Variants in DNAAF3 observed in about 807,000 individuals in gnomAD.
DNAAF3 encodes UPF0470 protein C19orf51.
In DNAAF3, 40 loss-of-function variants were observed where a neutral mutation model predicts 50.9. That is an observed-to-expected ratio of 0.79 (90% CI 0.61 to 1.02). DNAAF3 has a LOEUF of 1.02. Among genes scored for constraint, DNAAF3 ranks in the 50% least tolerant of loss-of-function variants. The pLI, the probability that DNAAF3 is intolerant of heterozygous loss-of-function variation, is 0.00. For missense variants in DNAAF3, 763 were observed against 744.7 expected (o/e 1.02, Z -0.29); for synonymous variants, 327 against 322.8 (o/e 1.01, Z -0.14).
rs780729564 is a variant in DNAAF3 at position 55,166,529 on chromosome 19, C to A, written c.-11G>T. The A allele has an allele frequency of 6.2e-7, 1 of 1,614,192 alleles. No individual in the cohort carries two copies. The highest frequency in any genetic ancestry group is 1.3e-5 in the African/African-American group (1 of 75,056). On this transcript the variant is annotated 5_prime_UTR_variant, in exon 1 of 12. Coordinates refer to ENST00000524407, the MANE Select transcript of DNAAF3 (RefSeq NM_001256715.2). The surrounding 1 kb of genome is among the most constrained non-coding windows in gnomAD (Gnocchi z 4.0). ...CATGATACCTTGCCCACACCTTTATCCTCCAAATATCCCGGGACGCCCCTT... is the reference window on the plus strand; with the variant it reads ...CATGATACCTTGCCCACACCTTTATACTCCAAATATCCCGGGACGCCCCTT...
Position 55,159,468 on chromosome 19 carries a change from C to A in DNAAF3, c.1239-19G>T. ...CAGGTACCTGCAGATGGGAAGCGCC[C>A]TGTCAGGGACCCAGATTTTGATCCC... is the stretch of plus-strand genomic sequence containing the variant. On this transcript the variant is annotated intron_variant, in intron 11 of 11. Transcript: ENST00000524407. 1 of 1,609,370 alleles carries A rather than the reference C, an allele frequency of 6.2e-7. No homozygotes were observed. The highest frequency in any genetic ancestry group is 1.1e-5 in the South Asian group (1 of 90,778).
chr19:55,162,375 C>A, intron 4 of DNAAF3, 85 bp from the exon 5 acceptor site: 2 of 1,226,652 alleles, frequency 1.6e-6, no homozygotes, highest in South Asian at 4.2e-5. Context: ...ATGTCATAGT[C>A]ATCTAATGAA....
At chr19:55,165,146 C>T (rs1452565635) in intron 4 of DNAAF3, among the ~76,000 whole-genome samples, 3 of 150,944 alleles carry the variant, frequency 2.0e-5, no homozygotes, top group African/African-American at 7.3e-5. Context: ...TCTCCTGCCT[C>T]GGCCTCCCAA....
rs886054639 is a variant in DNAAF3 at position 55,159,382 on chromosome 19, C to T, written c.1306G>A (p.Ala436Thr). The change falls in exon 12 of 12, where the codon GCA becomes ACA. Residue 436 changes from alanine to threonine, a missense_variant. By Grantham distance (58) the Ala-to-Thr change is moderately conservative. Transcript: ENST00000524407. Reference sequence around the variant, plus strand: ...CCGGTCTGTGGAGCAAATCCAGCTGCCTGAGCTAGCTCCCTGACCCGGGTG... The same window carrying T: ...CCGGTCTGTGGAGCAAATCCAGCTGTCTGAGCTAGCTCCCTGACCCGGGTG... ...FNTRVRELAQ[A>T]AGFAPQTGAR... The T allele has an allele frequency of 9.9e-6, 16 of 1,614,036 alleles. No homozygotes were observed. Among genetic ancestry groups the T allele is most frequent in the Non-Finnish European group, 1.4e-5 (16 of 1,180,048 alleles).
chr19:55,165,765 C>G, intron 3 of DNAAF3, 93 bp downstream of exon 3: 1 of 1,536,818 alleles, frequency 6.5e-7, no homozygotes, highest in East Asian at 2.4e-5. Context: ...GAGTCTCCAG[C>G]CCCTTCATTC....
intron 11 of DNAAF3, 24 bp from the exon 12 acceptor site, chr19:55,159,473 A>G (rs1446219713): frequency 1.9e-6 from 3 of 1,608,360 alleles, no homozygotes; most frequent in African/African-American, 1.3e-5. Context: ...GCGCCCTGTC[A>G]GGGACCCAGA....
Position 55,160,689 on chromosome 19 carries a change from G to C in DNAAF3, c.999C>G (p.Asp333Glu), listed in dbSNP as rs552015501. 58 of 1,613,662 alleles carry C rather than the reference G, an allele frequency of 3.6e-5. No homozygotes were observed. In the South Asian group the frequency reaches 6.0e-4, roughly 17 times the overall value. Residue 333 changes from aspartate (D) to glutamate (E), a missense_variant, in exon 9 of 12, where the codon GAC (aspartate) becomes GAG (glutamate). Physicochemically the swap from Asp to Glu is conservative, Grantham distance 45. Coordinates refer to ENST00000524407, the MANE Select transcript of DNAAF3 (RefSeq NM_001256715.2). This position sits in a 1 kb window ranked among gnomAD's most constrained non-coding sequence, Gnocchi z 4.7. ...AWGRARATGG[D>E]LEEQQHAEGS... ...CCTCCGCGTGCTGCTGCTCCTCCAG[G>C]TCCCCCCCGGTGGCTCTCGCGCGCC...
rs545243133 is a variant in DNAAF3, at chr19:55,160,699, G to A, written c.989C>T (p.Thr330Ile). Residue 330 changes from threonine to isoleucine, a missense_variant, in exon 9 of 12, where the codon ACC becomes ATC. By Grantham distance (89) the Thr-to-Ile change is moderately conservative. Transcript: ENST00000524407. This position sits in a 1 kb window ranked among gnomAD's most constrained non-coding sequence, Gnocchi z 4.7. ...CTGCTGCTCCTCCAGGTCCCCCCCG[G>A]TGGCTCTCGCGCGCCCCCAGGCGGC... ...DVAAWGRARA[T>I]GGDLEEQQHA... 616 of 1,613,660 alleles carry A rather than the reference G, an allele frequency of 3.8e-4. 10 individuals carry two copies. The South Asian group carries it at 6.4e-3, about 17-fold the overall frequency.
intron 4 of DNAAF3, among the ~76,000 whole-genome samples, chr19:55,163,303 C>T (rs1231830070): frequency 2.1e-5 from 3 of 142,524 alleles, no homozygotes; most frequent in East Asian, 2.0e-4. Context: ...CCATCGCGCC[C>T]GGCGGCTAAT....
At chr19:55,162,396 C>T (rs2085854034) in intron 4 of DNAAF3, 106 bp from the exon 5 acceptor site, 2 of 1,182,512 alleles carry the variant, frequency 1.7e-6, no homozygotes, top group East Asian at 3.2e-5. Flanking sequence ...AACAATGAAC[C>T]CCCGCAAACT....
In DNAAF3 at chr19:55,161,553, A is replaced by G. The variant is rs1599922125; in HGVS notation, c.663+90T>C. On this transcript the variant is annotated intron_variant, in intron 6 of 11. Transcript: ENST00000524407. The surrounding 1 kb of genome is among the most constrained non-coding windows in gnomAD (Gnocchi z 6.4). ...CAGACCCAGGAGTTCAGGCCCCCAA[A>G]CCCTCCTCCCTCAGACTCAGGAGGC... 6.9e-7 allele frequency: 1 copy of G among 1,455,232 alleles called. No individual in the cohort carries two copies. Among genetic ancestry groups the G allele is most frequent in the Admixed American group, 2.6e-5 (1 of 38,856 alleles). 90.1% of individuals were successfully genotyped at this position (1,455,232 alleles called of 1,614,324 possible). A position where few individuals can be genotyped will look rare whatever the true frequency, so the allele number is the denominator to read the frequency against.
chr19:55,162,604 A>G (rs982828464), intron 4 of DNAAF3: 1 of 967,774 alleles, frequency 1.0e-6, no homozygotes, highest in African/African-American at 1.7e-5. Context: ...ATAAATAAAT[A>G]ACCACCTAGA....
At chr19:55,165,819 G>T in intron 3 of DNAAF3, 39 bp downstream of exon 3, 1 of 1,604,410 alleles carries the variant, frequency 6.2e-7, no homozygotes, top group Non-Finnish European at 8.5e-7. Context: ...CTCCCTCAAG[G>T]ACTCGGGAAT....
At position 55,160,966 on chromosome 19, in the gene DNAAF3, G is replaced by A; in HGVS notation, c.912+99C>T. 1.0e-5 allele frequency: 15 copies of A among 1,460,830 alleles called. No individual in the cohort carries two copies. In the South Asian group the frequency reaches 1.8e-4, roughly 17 times the overall value. The allele number at this position is 1,460,830 out of a possible 1,614,324, so 90.5% of individuals were successfully genotyped here. A position where few individuals can be genotyped will look rare whatever the true frequency, so the allele number is the denominator to read the frequency against. ...TCGTTCCCACCAAGCGACGGGCGGG[G>A]TCTGGAGCTGGGGGCGGGGCCTGCT... is the stretch of plus-strand genomic sequence containing the variant. On this transcript the variant is annotated intron_variant, in intron 8 of 11. Transcript: ENST00000524407. This position sits in a 1 kb window ranked among gnomAD's most constrained non-coding sequence, Gnocchi z 4.7.
Position 55,166,130 on chromosome 19 carries a change from T to A in DNAAF3, c.86-130A>T, listed in dbSNP as rs2085934619. The A allele has an allele frequency of 5.1e-6, 8 of 1,565,360 alleles. No homozygotes were observed. Among genetic ancestry groups the A allele is most frequent in the South Asian group, 4.7e-5 (4 of 85,964 alleles). ...GTGGCCTAGGTTCTAAGGGGAGGTG[T>A]TTCCTCTGAGTATTCTGGGATTCGC... On this transcript the variant is annotated intron_variant, in intron 2 of 11. Transcript: ENST00000524407. The surrounding 1 kb of genome is among the most constrained non-coding windows in gnomAD (Gnocchi z 4.0).
At chr19:55,163,266 C>T (rs926194471) in intron 4 of DNAAF3, among the ~76,000 whole-genome samples, 36 of 150,828 alleles carry the variant, frequency 2.4e-4, no homozygotes, top group Middle Eastern at 3.5e-3. Flanking sequence ...CCTCAGCCTC[C>T]CAAAGTGCTG....
chr19:55,160,955 C>G lies in DNAAF3; in HGVS notation c.912+110G>C. The G allele has an allele frequency of 6.9e-7, 1 of 1,453,178 alleles. No individual in the cohort carries two copies. Among genetic ancestry groups the G allele is most frequent in the Non-Finnish European group, 9.0e-7 (1 of 1,105,876 alleles). 90.0% of individuals were successfully genotyped at this position (1,453,178 alleles called of 1,614,324 possible). ...TCTGAATGGAGTCGTTCCCACCAAG[C>G]GACGGGCGGGGTCTGGAGCTGGGGG... On this transcript the variant is annotated intron_variant, in intron 8 of 11. Transcript: ENST00000524407. The surrounding 1 kb of genome is among the most constrained non-coding windows in gnomAD (Gnocchi z 4.7).
chr19:55,165,498 C>T (rs2085923349), intron 3 of DNAAF3, 35 bp from the exon 4 acceptor site: 1 of 1,609,150 alleles, frequency 6.2e-7, no homozygotes, highest in African/African-American at 1.3e-5. Context: ...AATTCTGAGA[C>T]CTGTTTGCCT....
chr19:55,162,994 T>A (rs2085866023), intron 4 of DNAAF3, among the ~76,000 whole-genome samples: 2 of 131,642 alleles, frequency 1.5e-5, no homozygotes, highest in South Asian at 5.1e-4. Flanking sequence ...TTCTTTTCTT[T>A]TTCTTTTTTT....
Sources: allele counts gnomAD v4.1 joint callset (sites outside exome capture counted in the v4.1 genomes callset), GRCh38; gene constraint gnomAD v4.1.1; non-coding constraint Gnocchi (gnomAD v3.1); transcripts MANE v1.5; gene names NCBI Gene and HGNC (gene_info 2026-07-23, HGNC 2026-07-21).